PDE4D: variants seen among roughly 807,000 people sequenced by gnomAD.
PDE4D encodes the protein phosphodiesterase 4D.
PDE4D carries 24 observed loss-of-function variants against 87.4 expected under a neutral mutation model. That is an observed-to-expected ratio of 0.27 (90% CI 0.20 to 0.39). The LOEUF (loss-of-function observed/expected upper bound fraction) is 0.39. Among genes scored for constraint, PDE4D ranks in the 10% least tolerant of loss-of-function variants. The pLI is 1.00. For synonymous variants in PDE4D, 384 were observed against 383.2 expected (o/e 1.00, Z -0.02); for missense variants, 714 against 1,041.0 (o/e 0.69, Z 4.32).
chr5:59,896,967 A>C (rs1290814274), upstream of PDE4D, among the ~76,000 whole-genome samples: 1 of 152,188 alleles, frequency 6.6e-6, no homozygotes, highest in African/African-American at 2.4e-5. Flanking sequence ...TGTTAAATAA[A>C]TTATCCATTC....
chr5:59,001,926 TTAATA>T, intron 6 of PDE4D: 1 of 359,336 alleles, frequency 2.8e-6, no homozygotes, highest in Non-Finnish European at 5.5e-6. Context: ...TGTCAGGTGT[TTAATA>T]TAAACCATCT....
intron 1 of PDE4D, among the ~76,000 whole-genome samples, chr5:59,453,941 C>G (rs1372582832): frequency 6.6e-6 from 1 of 152,202 alleles, no homozygotes; most frequent in Admixed American, 6.5e-5. Flanking sequence ...ATTCAAAAGA[C>G]AGGCTGATCC....
At chr5:59,283,770 T>G (rs1459117457) in intron 1 of PDE4D, among the ~76,000 whole-genome samples, 1 of 152,178 alleles carries the variant, frequency 6.6e-6, no homozygotes, top group Non-Finnish European at 1.5e-5. Flanking sequence ...TTCAGTCTCC[T>G]TGGATTGATT....
rs368609212 is a variant in PDE4D at position 59,544,253 on chromosome 5, T to C, written c.456-328285A>G. Among the ~76,000 whole-genome samples, 57 of 152,318 alleles carry C rather than the reference T, an allele frequency of 3.7e-4. 1 individual carries two copies. The East Asian group carries it at 9.9e-3, about 26-fold the overall frequency. On this transcript the variant is annotated intron_variant, in intron 1 of 14. Coordinates refer to ENST00000340635, the MANE Select transcript of PDE4D (RefSeq NM_001104631.2). ...GGAACTCAGGGATTGAATTACCCAA[T>C]TGACGCTAGTTCTACCCATGCCAGA...
intron 3 of PDE4D, among the ~76,000 whole-genome samples, chr5:59,929,053 A>G (rs1185581307): frequency 6.6e-6 from 1 of 151,896 alleles, no homozygotes; most frequent in Non-Finnish European, 1.5e-5. Flanking sequence ...AATTAGATGT[A>G]CTTAAAGATT....
chr5:59,243,069 G>A (rs1473669583), intron 1 of PDE4D, among the ~76,000 whole-genome samples: 2 of 152,210 alleles, frequency 1.3e-5, no homozygotes, highest in Middle Eastern at 3.4e-3. Flanking sequence ...TGAGCAGTAT[G>A]AATTTCACAG....
intron 1 of PDE4D, among the ~76,000 whole-genome samples, chr5:59,715,206 C>A (rs7711022): frequency 0.081 from 12,323 of 152,268 alleles, 1,551 homozygotes; most frequent in African/African-American, 0.27. Flanking sequence ...TGCAGACATC[C>A]ACTTTAGCAA....
intron 3 of PDE4D, among the ~76,000 whole-genome samples, chr5:59,905,948 G>GTTCTGCCTTC (rs1752763925): frequency 1.3e-5 from 2 of 152,120 alleles, no homozygotes; most frequent in Non-Finnish European, 2.9e-5. Flanking sequence ...ACTGAAACTA[G>GTTCTGCCTTC]TTCTGCCTTC....
intron 1 of PDE4D, among the ~76,000 whole-genome samples, chr5:60,312,695 G>A (rs1379575706): frequency 6.6e-6 from 1 of 152,144 alleles, no homozygotes; most frequent in East Asian, 1.9e-4. Flanking sequence ...TTGACGTGGG[G>A]ATTATGACAA....
Position 59,536,430 on chromosome 5 carries a change from G to A in PDE4D, c.456-320462C>T, listed in dbSNP as rs189058643. ...TGAGGCAAGAGAATGGCGTGAACCC[G>A]GGAGGCGGAGCTTGCAGTGAGCCGA... is the stretch of plus-strand genomic sequence containing the variant. On this transcript the variant is annotated intron_variant, in intron 1 of 14. Coordinates refer to ENST00000340635, the MANE Select transcript of PDE4D (RefSeq NM_001104631.2). Among the ~76,000 whole-genome samples, 1,289 of 146,496 alleles carry A rather than the reference G, an allele frequency of 8.8e-3. 14 individuals are homozygous for A. Among genetic ancestry groups the A allele is most frequent in the Non-Finnish European group, 0.013 (896 of 67,130 alleles).
intron 1 of PDE4D, among the ~76,000 whole-genome samples, chr5:59,329,341 A>G (rs912787454): frequency 6.6e-6 from 1 of 152,172 alleles, no homozygotes; most frequent in African/African-American, 2.4e-5. Context: ...TTTTCATGGA[A>G]TCATTTGCTA....
At chr5:59,929,344 T>G (rs961095994) in intron 3 of PDE4D, among the ~76,000 whole-genome samples, 2 of 152,166 alleles carry the variant, frequency 1.3e-5, no homozygotes, top group Non-Finnish European at 2.9e-5. Flanking sequence ...CCTTTTCAAT[T>G]TTAAAAAATA....
chr5:59,885,936 T>C (rs1750084834), intron 1 of PDE4D, among the ~76,000 whole-genome samples: 1 of 152,208 alleles, frequency 6.6e-6, no homozygotes, highest in South Asian at 2.1e-4. Flanking sequence ...AACATGAATA[T>C]GTGTCTATTT....
chr5:59,585,121 A>G (rs989918096), intron 1 of PDE4D, among the ~76,000 whole-genome samples: 1 of 152,156 alleles, frequency 6.6e-6, no homozygotes, highest in Non-Finnish European at 1.5e-5. Flanking sequence ...GACTGGGGAT[A>G]GTAGCTCTGG....
intron 5 of PDE4D, among the ~76,000 whole-genome samples, chr5:59,126,190 G>C (rs1775379178): frequency 6.7e-6 from 1 of 149,634 alleles, no homozygotes; most frequent in African/African-American, 2.4e-5. Context: ...AGGAAGAAAG[G>C]AAAGAAGGGT....
intron 2 of PDE4D, among the ~76,000 whole-genome samples, chr5:60,130,853 G>C (rs1236083370): frequency 1.3e-5 from 2 of 152,190 alleles, no homozygotes; most frequent in Non-Finnish European, 2.9e-5. Flanking sequence ...ATATTGTTAA[G>C]TTTGAAAACA....
At chr5:60,474,469 T>C (rs143092323) in intron 1 of PDE4D, among the ~76,000 whole-genome samples, 1 of 152,220 alleles carries the variant, frequency 6.6e-6, no homozygotes, top group East Asian at 1.9e-4. Context: ...AAATTCAGAC[T>C]ATAGCACTTA....
intron 1 of PDE4D, among the ~76,000 whole-genome samples, chr5:59,329,174 T>C (rs6871694): frequency 2.9e-3 from 447 of 152,280 alleles, no homozygotes; most frequent in African/African-American, 1.0e-2. Flanking sequence ...CTTCATTCCA[T>C]TGATGGATTC....
intron 1 of PDE4D, among the ~76,000 whole-genome samples, chr5:60,366,818 T>C (rs1461622818): frequency 1.3e-5 from 2 of 152,212 alleles, no homozygotes; most frequent in Non-Finnish European, 2.9e-5. Context: ...GAAATAAACA[T>C]GCACATGAAA....
Sources: allele counts gnomAD v4.1 joint callset (sites outside exome capture counted in the v4.1 genomes callset), GRCh38; gene constraint gnomAD v4.1.1; transcripts MANE v1.5; gene names NCBI Gene and HGNC (gene_info 2026-07-23, HGNC 2026-07-21).